The following PLXNA4 variants were observed in gnomAD, a reference collection of about 807,000 sequenced individuals.
The protein encoded by PLXNA4 is plexin-A4.
A neutral mutation model predicts 191.8 loss-of-function variants in PLXNA4; 44 were observed. That is an observed-to-expected ratio of 0.23 (90% CI 0.18 to 0.29). The LOEUF (loss-of-function observed/expected upper bound fraction) is 0.29. Ranked by LOEUF, PLXNA4 falls within the 10% of genes least tolerant of loss-of-function variation. The pLI, the probability that PLXNA4 is intolerant of heterozygous loss-of-function variation, is 1.00. For synonymous variants in PLXNA4, 1,082 were observed against 1,009.5 expected, an observed-to-expected ratio of 1.07 and a Z score of -1.36; for missense variants, 1,800 against 2,488.8, an observed-to-expected ratio of 0.72 and a Z score of 5.89.
chr7:132,169,671 G>T (rs568621254), intron 21 of PLXNA4, among the ~76,000 whole-genome samples: 4 of 152,220 alleles, frequency 2.6e-5, no homozygotes, highest in Non-Finnish European at 4.4e-5. Context: ...GTAGAGAAAT[G>T]ACTGCTCTAG....
chr7:132,181,645 G>A, intron 17 of PLXNA4, 25 bp from the exon 18 acceptor site: 1 of 1,612,266 alleles, frequency 6.2e-7, no homozygotes, highest in Non-Finnish European at 8.5e-7. Context: ...ACAGAGTGGA[G>A]TCTATGCAGT....
intron 4 of PLXNA4, among the ~76,000 whole-genome samples, chr7:132,258,555 G>A (rs1007398560): frequency 1.3e-5 from 2 of 152,182 alleles, no homozygotes; most frequent in African/African-American, 4.8e-5. Context: ...CATAGCCCCT[G>A]CCTTTGGGGC....
At chr7:132,403,234 G>C (rs1253610037) in intron 3 of PLXNA4, among the ~76,000 whole-genome samples, 1 of 152,242 alleles carries the variant, frequency 6.6e-6, no homozygotes, top group Admixed American at 6.5e-5. Context: ...AAAGCAGCAG[G>C]GAAGGGCATG....
At position 132,130,392 on chromosome 7, in the gene PLXNA4, C is replaced by T. The variant is rs546676484; in HGVS notation, c.*87G>A. 2.7e-5 allele frequency: 43 copies of T among 1,584,072 alleles called. 1 individual carries two copies. The highest frequency in any genetic ancestry group is 1.3e-4 in the South Asian group (12 of 89,472). ...CTCAGGGGATGCTGCTGATGCCAGT[C>T]GGAACTTGCACTTGGTAAAGATGAT... On this transcript the variant is annotated 3_prime_UTR_variant, in exon 32 of 32. Transcript: ENST00000321063.
At chr7:132,372,004 G>A (rs1283491110) in intron 3 of PLXNA4, among the ~76,000 whole-genome samples, 2 of 152,134 alleles carry the variant, frequency 1.3e-5, no homozygotes, top group African/African-American at 4.8e-5. Flanking sequence ...ATGATTGTTG[G>A]CCATCGCCTC....
At chr7:132,173,275 G>A (rs771006772) in intron 21 of PLXNA4, among the ~76,000 whole-genome samples, 13 of 152,200 alleles carry the variant, frequency 8.5e-5, no homozygotes, top group Admixed American at 5.2e-4. Flanking sequence ...AGGACTGGGG[G>A]AGGAGCAAAG....
intron 2 of PLXNA4, among the ~76,000 whole-genome samples, chr7:132,631,946 G>A (rs1803497998): frequency 6.6e-6 from 1 of 152,126 alleles, no homozygotes. Flanking sequence ...ATTAATTAGT[G>A]GAGGAAGATC....
chr7:132,159,122 G>T (rs939034105), intron 25 of PLXNA4, among the ~76,000 whole-genome samples: 1 of 152,070 alleles, frequency 6.6e-6, no homozygotes, highest in African/African-American at 2.4e-5. Context: ...TCAGACAAGC[G>T]GACTCTGCCC....
chr7:132,148,432 A>C, intron 26 of PLXNA4, 111 bp downstream of exon 26: 1 of 1,462,200 alleles, frequency 6.8e-7, no homozygotes, highest in East Asian at 2.4e-5. Context: ...CTAAGGGAAC[A>C]TGGAGTGCTG....
At position 132,571,991 on chromosome 7, in the gene PLXNA4, A is replaced by G. The variant is rs553460354; in HGVS notation, c.-87+4431T>C. On this transcript the variant is annotated intron_variant, in intron 1 of 31. Coordinates refer to ENST00000321063, the MANE Select transcript of PLXNA4 (RefSeq NM_020911.2). ...CTCATCCCCCTTGATGAATGGGGAA[A>G]TCGAGGCTCAGTGAATAAATACATT... Among the ~76,000 whole-genome samples the G allele has an allele frequency of 6.6e-4, 101 of 152,290 alleles. 1 individual carries two copies. Among genetic ancestry groups the G allele is most frequent in the African/African-American group, 2.3e-3 (97 of 41,562 alleles).
At chr7:132,644,210 T>C (rs1478950295) in intron 2 of PLXNA4, among the ~76,000 whole-genome samples, 1 of 152,148 alleles carries the variant, frequency 6.6e-6, no homozygotes, top group Admixed American at 6.5e-5. Context: ...GCAGGTGACT[T>C]AACCTCCTCT....
At chr7:132,638,349 T>C (rs1024136558) in intron 2 of PLXNA4, among the ~76,000 whole-genome samples, 2 of 152,088 alleles carry the variant, frequency 1.3e-5, no homozygotes, top group Admixed American at 1.3e-4. Flanking sequence ...TCAGTAAAAC[T>C]CCTATACAAG....
intron 3 of PLXNA4, among the ~76,000 whole-genome samples, chr7:132,347,385 G>A (rs554577057): frequency 1.1e-4 from 17 of 152,252 alleles, no homozygotes; most frequent in African/African-American, 3.9e-4. Flanking sequence ...ACGAAAGGAG[G>A]GTGCATCTGT....
At chr7:132,259,472 A>AAAAAAAAAAAAAAAAAAAAAAAAAC (rs1799554653) in intron 4 of PLXNA4, among the ~76,000 whole-genome samples, 1 of 131,578 alleles carries the variant, frequency 7.6e-6, no homozygotes, top group Non-Finnish European at 1.6e-5. Flanking sequence ...AAAAAAAAAA[A>AAAAAAAAAAAAAAAAAAAAAAAAAC]AGAAAAAAGG....
intron 1 of PLXNA4, among the ~76,000 whole-genome samples, chr7:132,550,221 T>G (rs551908702): frequency 2.6e-4 from 39 of 152,264 alleles, no homozygotes; most frequent in Non-Finnish European, 4.7e-4. Context: ...CACAGCATGG[T>G]GGTGAGCCTG....
At chr7:132,479,822 T>C (rs1302916911) in intron 3 of PLXNA4, among the ~76,000 whole-genome samples, 2 of 151,946 alleles carry the variant, frequency 1.3e-5, no homozygotes, top group Admixed American at 1.3e-4. Flanking sequence ...GCTAATTTTG[T>C]TTATTTTTAT....
intron 1 of PLXNA4, among the ~76,000 whole-genome samples, chr7:132,562,227 T>C (rs1382894401): frequency 5.7e-4 from 39 of 68,598 alleles, no homozygotes; most frequent in Admixed American, 7.3e-4. Context: ...TCTCTTCCTC[T>C]TTCTCCTACT....
intron 2 of PLXNA4, among the ~76,000 whole-genome samples, chr7:132,624,883 G>T (rs896733310): frequency 2.0e-5 from 3 of 151,972 alleles, no homozygotes; most frequent in Non-Finnish European, 4.4e-5. Flanking sequence ...GTGTACAAAG[G>T]GTCCTGAGTA....
At chr7:132,521,175 CT>C (rs1411443255) in intron 1 of PLXNA4, among the ~76,000 whole-genome samples, 2 of 127,842 alleles carry the variant, frequency 1.6e-5, no homozygotes, top group Non-Finnish European at 1.6e-5. Flanking sequence ...ATATTTGCTC[CT>C]TGAAAAAAAA....
Sources: gnomAD v4.1 joint callset for allele counts (sites outside exome capture counted in the v4.1 genomes callset) on GRCh38, gnomAD v4.1.1 for gene constraint, MANE v1.5 for transcripts, NCBI Gene and HGNC (gene_info 2026-07-23, HGNC 2026-07-21) for gene names.